GOLIM4: variants seen among roughly 807,000 people sequenced by gnomAD.
GOLIM4 encodes 130 kDa golgi-localized phosphoprotein.
In GOLIM4, 71 loss-of-function variants were observed where a neutral mutation model predicts 107.4. The ratio of observed to expected loss-of-function variants is 0.66; its 90% confidence interval spans 0.55 to 0.81. The LOEUF (loss-of-function observed/expected upper bound fraction) is 0.81, where lower values mean the gene tolerates loss of function less well. GOLIM4 is among the 30% of genes least tolerant of loss of function. The pLI is 0.00. For missense variants in GOLIM4, 830 were observed against 826.1 expected (o/e 1.00, Z -0.06); for synonymous variants, 327 against 294.8 (o/e 1.11, Z -1.12).
chr3:168,094,485 T>C (rs184450511), intron 1 of GOLIM4, among the ~76,000 whole-genome samples: 71 of 152,308 alleles, frequency 4.7e-4, no homozygotes, highest in Non-Finnish European at 7.6e-4. Context: ...GTGTGGACTT[T>C]TCCCACACAT....
chr3:168,068,430 AT>A (rs1720659658), intron 1 of GOLIM4, among the ~76,000 whole-genome samples: 1 of 152,088 alleles, frequency 6.6e-6, no homozygotes, highest in African/African-American at 2.4e-5. Context: ...ATTTAAAGCA[AT>A]TTTTTTCTGA....
At chr3:168,026,095 G>C (rs1262604588) in intron 12 of GOLIM4, among the ~76,000 whole-genome samples, 1 of 152,140 alleles carries the variant, frequency 6.6e-6, no homozygotes, top group African/African-American at 2.4e-5. Flanking sequence ...TCACTTAGGA[G>C]TCTTGAACAT....
chr3:168,040,753 A>T (rs377409258), intron 7 of GOLIM4, 33 bp downstream of exon 7: 6 of 1,425,734 alleles, frequency 4.2e-6, no homozygotes, highest in Non-Finnish European at 5.9e-6. Flanking sequence ...GCAGACTTGT[A>T]AAAGAACCCA....
chr3:168,038,951 T>C (rs2108240431), intron 7 of GOLIM4, among the ~76,000 whole-genome samples: 1 of 152,272 alleles, frequency 6.6e-6, no homozygotes, highest in East Asian at 1.9e-4. Context: ...TTCTGCTATG[T>C]GAAGATACAA....
intron 7 of GOLIM4, 49 bp from the exon 8 acceptor site, chr3:168,037,043 C>T: frequency 1.1e-5 from 15 of 1,325,004 alleles, no homozygotes; most frequent in Non-Finnish European, 1.6e-5. Flanking sequence ...AATGCCCATT[C>T]ATAGATGGGC....
chr3:168,090,075 C>T (rs1453109526), intron 1 of GOLIM4, among the ~76,000 whole-genome samples: 3 of 152,110 alleles, frequency 2.0e-5, no homozygotes, highest in Non-Finnish European at 4.4e-5. Context: ...GCCAATGTTT[C>T]CTTTCTAAAA....
intron 12 of GOLIM4, among the ~76,000 whole-genome samples, chr3:168,026,873 G>A (rs1226507491): frequency 6.6e-6 from 1 of 152,204 alleles, no homozygotes; most frequent in Non-Finnish European, 1.5e-5. Context: ...GTAGCTAGCA[G>A]GATGACTTTC....
In GOLIM4 at chr3:168,076,617, G is replaced by C. The variant is rs866762903; in HGVS notation, c.187+18482C>G. ...GAGGCAGAAGAATTGCTTGAACCTG[G>C]GAGGCAGAGGTTGCAGTGAGCCAAG... On this transcript the variant is annotated intron_variant, in intron 1 of 15. Transcript: ENST00000470487. Among the ~76,000 whole-genome samples, 138 of 152,244 alleles carry C rather than the reference G, an allele frequency of 9.1e-4. 1 individual carries two copies. Among genetic ancestry groups the C allele is most frequent in the African/African-American group, 3.2e-3 (133 of 41,540 alleles).
chr3:168,041,336 T>C (rs934645286), intron 6 of GOLIM4, 56 bp downstream of exon 6: 2 of 1,004,886 alleles, frequency 2.0e-6, no homozygotes, highest in Non-Finnish European at 3.2e-6. Context: ...TTTAAAGTCA[T>C]TCTACCAAAT....
chr3:168,030,614 G>A (rs1718275825), intron 9 of GOLIM4, among the ~76,000 whole-genome samples: 1 of 151,318 alleles, frequency 6.6e-6, no homozygotes, highest in South Asian at 2.1e-4. Flanking sequence ...GGTGCCTTCT[G>A]ATTAAAGGGA....
chr3:168,032,708 G>C lies in GOLIM4; in HGVS notation c.988C>G (p.Pro330Ala). Residue 330 changes from proline to alanine, a missense_variant, in exon 9 of 16, where the codon CCT becomes GCT. Pro to Ala is a conservative substitution (Grantham distance 27). Transcript: ENST00000470487. ...TCCTCTTCCACCTGATGCTCCTCAG[G>C]TTCTCTGCGTTCCACTTCTTGTTGG... The part of the protein sequence containing the change: ...PIQQEVERRE[P>A]EEHQVEEEHR... 7 of 1,613,992 alleles carry C rather than the reference G, an allele frequency of 4.3e-6. No homozygotes were observed. The highest frequency in any genetic ancestry group is 5.9e-6 in the Non-Finnish European group (7 of 1,180,008).
At chr3:168,027,433 GT>G (rs1052937943) in intron 12 of GOLIM4, among the ~76,000 whole-genome samples, 1 of 150,182 alleles carries the variant, frequency 6.7e-6, no homozygotes, top group Non-Finnish European at 1.5e-5. Flanking sequence ...GTGTCTCTCA[GT>G]TTTGCTTTTC....
chr3:168,051,360 C>T (rs935171984), intron 1 of GOLIM4, among the ~76,000 whole-genome samples: 1 of 152,116 alleles, frequency 6.6e-6, no homozygotes, highest in Non-Finnish European at 1.5e-5. Flanking sequence ...CAGTTCCACA[C>T]TAAATGGAAA....
At chr3:168,055,134 T>C (rs1719871888) in intron 1 of GOLIM4, among the ~76,000 whole-genome samples, 1 of 151,578 alleles carries the variant, frequency 6.6e-6, no homozygotes. Flanking sequence ...ACCAGTAGAG[T>C]GGGGTGCTGC....
chr3:168,081,024 T>C (rs1015627516), intron 1 of GOLIM4, among the ~76,000 whole-genome samples: 2 of 152,094 alleles, frequency 1.3e-5, no homozygotes, highest in Admixed American at 1.3e-4. Context: ...ACCACCCCAC[T>C]GTGAAGTCAA....
At chr3:168,050,988 G>A (rs1336205642) in intron 1 of GOLIM4, among the ~76,000 whole-genome samples, 7 of 151,972 alleles carry the variant, frequency 4.6e-5, no homozygotes, top group African/African-American at 1.5e-4. Context: ...GGGGAAAAAA[G>A]CTGAATTTAC....
intron 1 of GOLIM4, among the ~76,000 whole-genome samples, chr3:168,089,998 T>C (rs1721826401): frequency 6.6e-6 from 1 of 152,052 alleles, no homozygotes; most frequent in African/African-American, 2.4e-5. Flanking sequence ...AAACTCCTGA[T>C]CTCAAGTGAT....
chr3:168,052,369 T>TAC (rs1719698263), intron 1 of GOLIM4, among the ~76,000 whole-genome samples: 1 of 148,242 alleles, frequency 6.7e-6, no homozygotes, highest in South Asian at 2.1e-4. Context: ...TATATATATA[T>TAC]ACACATACAC....
At chr3:168,090,997 G>A (rs962086839) in intron 1 of GOLIM4, among the ~76,000 whole-genome samples, 4 of 151,638 alleles carry the variant, frequency 2.6e-5, no homozygotes, top group Non-Finnish European at 5.9e-5. Context: ...GAGAGTGGAA[G>A]TGGAGACTAC....
Sources: gnomAD v4.1 joint callset for allele counts (sites outside exome capture counted in the v4.1 genomes callset) on GRCh38, gnomAD v4.1.1 for gene constraint, MANE v1.5 for transcripts, NCBI Gene and HGNC (gene_info 2026-07-23, HGNC 2026-07-21) for gene names.